MATR3: variants seen among roughly 807,000 people sequenced by gnomAD.
The protein encoded by MATR3 is matrin 3, also known as matrin-3.
Under a neutral mutation model 85.5 loss-of-function variants are expected in MATR3, and 4 were observed. The observed-to-expected ratio is 0.05, with a 90% confidence interval of 0.02 to 0.11. The LOEUF is 0.11. Among genes scored for constraint, MATR3 ranks in the 10% least tolerant of loss-of-function variants. The pLI, the probability that MATR3 is intolerant of heterozygous loss-of-function variation, is 1.00. For synonymous variants in MATR3, 336 were observed against 343.1 expected, an observed-to-expected ratio of 0.98 and a Z score of 0.23; for missense variants, 685 against 1,016.1, an observed-to-expected ratio of 0.67 and a Z score of 4.43.
Position 139,281,921 on chromosome 5 carries a change from C to T in MATR3, c.-178+2792C>T, listed in dbSNP as rs545753681. 2.0e-5 allele frequency among the ~76,000 whole-genome samples: 3 copies of T among 152,316 alleles called. No individual in the cohort carries two copies. The South Asian group carries it at 6.2e-4, about 32-fold the overall frequency. On this transcript the variant is annotated intron_variant, in intron 3 of 16. Coordinates refer to ENST00000509990, the Ensembl canonical transcript of MATR3. ...GGAACCACAATTAATAAACACTATTCCTGGCACCTGTCCATGATTTCACTT... is the reference window on the plus strand; with the variant it reads ...GGAACCACAATTAATAAACACTATTTCTGGCACCTGTCCATGATTTCACTT...
At position 139,322,444 on chromosome 5, in the gene MATR3, C is replaced by G. The variant is rs1310943832; in HGVS notation, c.1735-19C>G. Reference sequence around the variant, plus strand: ...TATTCTGCAAATGTGTTAACTTCTGCAAAACTTTTGTCTTTTAGATTCCAA... The same window carrying G: ...TATTCTGCAAATGTGTTAACTTCTGGAAAACTTTTGTCTTTTAGATTCCAA... On this transcript the variant is annotated intron_variant, in intron 10 of 14. Coordinates refer to ENST00000394805, the MANE Select transcript of MATR3 (RefSeq NM_018834.6). 6.9e-6 allele frequency: 11 copies of G among 1,601,258 alleles called. No individual in the cohort carries two copies. The highest frequency in any genetic ancestry group is 7.7e-6 in the Non-Finnish European group (9 of 1,168,768).
chr5:139,290,291 G>A (rs1452265346), upstream of MATR3, among the ~76,000 whole-genome samples: 1 of 151,438 alleles, frequency 6.6e-6, no homozygotes. Context: ...TTACAGGCGA[G>A]CGCCACCACA....
intron 5 of MATR3, 105 bp downstream of exon 5, chr5:139,316,293 T>G (rs1581246516): frequency 1.2e-6 from 1 of 808,236 alleles, no homozygotes; most frequent in Middle Eastern, 3.5e-4. Flanking sequence ...TCGCCCAGGC[T>G]GGAGTGCAAT....
intron 3 of MATR3, among the ~76,000 whole-genome samples, chr5:139,281,236 G>C (rs1753506024): frequency 6.6e-6 from 1 of 151,976 alleles, no homozygotes; most frequent in Non-Finnish European, 1.5e-5. Context: ...GTGCAGTGGT[G>C]TGGTCACAGC....
upstream of MATR3, among the ~76,000 whole-genome samples, chr5:139,289,310 T>G (rs1753801256): frequency 1.3e-5 from 2 of 152,206 alleles, no homozygotes; most frequent in South Asian, 4.1e-4. Flanking sequence ...GTCCCAGTAC[T>G]TGGGAGGCTG....
intron 1 of MATR3, among the ~76,000 whole-genome samples, chr5:139,305,642 AAGTCCACTTAT>A (rs1754670280): frequency 6.6e-6 from 1 of 152,172 alleles, no homozygotes; most frequent in East Asian, 1.9e-4. Context: ...TCATCTGAAG[AAGTCCACTTAT>A]TCTCGTCTTT....
At chr5:139,322,414 T>C in intron 10 of MATR3, 49 bp from the exon 11 acceptor site, 4 of 1,486,058 alleles carry the variant, frequency 2.7e-6, no homozygotes, top group Non-Finnish European at 3.8e-6. Context: ...CACTGGATAA[T>C]TGTGTATTCT....
upstream of MATR3, among the ~76,000 whole-genome samples, chr5:139,290,781 G>A (rs1288907963): frequency 2.0e-5 from 3 of 151,880 alleles, no homozygotes; most frequent in Non-Finnish European, 4.4e-5. Flanking sequence ...CTGTTACTTC[G>A]TTTACGGCAT....
rs1315254931 is a variant in MATR3 at position 139,317,538 on chromosome 5, T to G, written c.1183-58T>G. The G allele has an allele frequency of 5.2e-6, 8 of 1,547,866 alleles. No individual in the cohort carries two copies. In the African/African-American group the frequency reaches 1.1e-4, roughly 21 times the overall value. On this transcript the variant is annotated intron_variant, in intron 6 of 14. Coordinates refer to ENST00000394805, the MANE Select transcript of MATR3 (RefSeq NM_018834.6). The stretch of plus-strand genomic sequence containing the variant: ...ATTATAAAAAGTCCTAATGCGTAAT[T>G]GGTTTCATATTGCTTTAAAGAGACT...
chr5:139,275,636 G>T (rs4835653), intron 1 of MATR3, among the ~76,000 whole-genome samples: 152,156 of 152,248 alleles, frequency 1, 76,032 homozygotes, highest in Middle Eastern at 1. Flanking sequence ...ATTTACAGAG[G>T]ACTATTAGTA....
At chr5:139,292,711 G>A (rs915097387), upstream of MATR3, among the ~76,000 whole-genome samples, 26 of 152,182 alleles carry the variant, frequency 1.7e-4, no homozygotes, top group African/African-American at 6.3e-4. Flanking sequence ...AGGCCGAGGC[G>A]GGCGGATCAC....
At chr5:139,275,530 G>A (rs747255414) in intron 1 of MATR3, among the ~76,000 whole-genome samples, 10 of 151,874 alleles carry the variant, frequency 6.6e-5, no homozygotes, top group Non-Finnish European at 1.0e-4. Flanking sequence ...GCCTTTTTTG[G>A]AATGTAGCTC....
intron 3 of MATR3, 141 bp downstream of exon 3, chr5:139,314,877 A>G: frequency 1.4e-6 from 1 of 726,144 alleles, no homozygotes; most frequent in Non-Finnish European, 2.4e-6. Flanking sequence ...TACTATTTAC[A>G]AGTAAAATGT....
At chr5:139,329,173 A>G (rs1009808480) in intron 14 of MATR3, among the ~76,000 whole-genome samples, 172 bp from the exon 15 acceptor site, 1 of 152,178 alleles carries the variant, frequency 6.6e-6, no homozygotes. Context: ...GCCTTATTGT[A>G]ATGTCCTGAA....
At position 139,330,933 on chromosome 5, in the gene MATR3, G is replaced by C. The variant is rs977161250; in HGVS notation, c.*1538G>C. The stretch of plus-strand genomic sequence containing the variant: ...AGTCTCCTGAGTAGCTGGGACTACA[G>C]GCTCATGCCACTATACCTGGCTAGT... On this transcript the variant is annotated 3_prime_UTR_variant, in exon 15 of 15. Coordinates refer to ENST00000394805, the MANE Select transcript of MATR3 (RefSeq NM_018834.6). 30 of 453,920 alleles carry C rather than the reference G, an allele frequency of 6.6e-5. No homozygotes were observed. Among genetic ancestry groups the C allele is most frequent in the African/African-American group, 5.8e-4 (29 of 49,960 alleles). The allele number at this position is 453,920 out of a possible 1,614,324, so 28.1% of individuals were successfully genotyped here. A position where few individuals can be genotyped will look rare whatever the true frequency, so the allele number is the denominator to read the frequency against.
rs1304684421 is a variant in MATR3, at chr5:139,331,099, A to G, written c.*1704A>G. 2.2e-6 allele frequency: 1 copy of G among 454,028 alleles called. No homozygotes were observed. The highest frequency in any genetic ancestry group is 6.9e-5 in the East Asian group (1 of 14,402). The allele number at this position is 454,028 out of a possible 1,614,324, so 28.1% of individuals were successfully genotyped here. A position where few individuals can be genotyped will look rare whatever the true frequency, so the allele number is the denominator to read the frequency against. On this transcript the variant is annotated 3_prime_UTR_variant, in exon 15 of 15. Transcript: ENST00000394805. ...AGCCACCATCCCTGGCCAAGAAACA[A>G]AGTTTTAATTTCAAAAAAATCTACA...
At chr5:139,327,193 A>T (rs1426244477) in intron 14 of MATR3, among the ~76,000 whole-genome samples, 1 of 152,206 alleles carries the variant, frequency 6.6e-6, no homozygotes, top group African/African-American at 2.4e-5. Flanking sequence ...CTGCTTTATA[A>T]TAAGTTAACT....
At position 139,322,580 on chromosome 5, in the gene MATR3, G is replaced by A. The variant is rs1179642926; in HGVS notation, c.1779-18G>A. 2.5e-6 allele frequency: 4 copies of A among 1,584,004 alleles called. No homozygotes were observed. The South Asian group carries it at 3.4e-5, about 13-fold the overall frequency. Reference sequence around the variant, plus strand: ...TTTCAGACAACAAATTAATTGTGGTGTGTCCTTTTGATTTCAGAAAAAGAT... The same window carrying A: ...TTTCAGACAACAAATTAATTGTGGTATGTCCTTTTGATTTCAGAAAAAGAT... On this transcript the variant is annotated intron_variant, in intron 11 of 14. Coordinates refer to ENST00000394805, the MANE Select transcript of MATR3 (RefSeq NM_018834.6).
chr5:139,322,698 C>G lies in MATR3; in HGVS notation c.1879C>G (p.Gln627Glu), dbSNP rs772231433. ...TGAGAGTTCAACCGAAGGTAAAGAA[C>G]AAGAAGAGAAGTCCGGTGAAGATGG... ...KTESSTEGKEQEEKSGEDGEK... is the reference protein window; with the variant it reads ...KTESSTEGKEEEEKSGEDGEK... Residue 627 changes from glutamine (Q) to glutamate (E), a missense_variant, in exon 12 of 15, where the codon CAA becomes GAA. Physicochemically the swap from Gln to Glu is conservative, Grantham distance 29. Transcript: ENST00000394805. The G allele has an allele frequency of 2.0e-5, 32 of 1,613,950 alleles. No homozygotes were observed. Among genetic ancestry groups the G allele is most frequent in the Admixed American group, 3.3e-5 (2 of 59,976 alleles).
Sources: allele counts gnomAD v4.1 joint callset (sites outside exome capture counted in the v4.1 genomes callset), GRCh38; gene constraint gnomAD v4.1.1; transcripts MANE v1.5; gene names NCBI Gene and HGNC (gene_info 2026-07-23, HGNC 2026-07-21).